ADGRL3: variants seen among roughly 807,000 people sequenced by gnomAD.
ADGRL3 encodes calcium-independent alpha-latrotoxin receptor 3.
A neutral mutation model predicts 153.5 loss-of-function variants in ADGRL3; 62 were observed. That is an observed-to-expected ratio of 0.40 (90% CI 0.33 to 0.50). The LOEUF (loss-of-function observed/expected upper bound fraction) is 0.50, where lower values mean the gene tolerates loss of function less well. Among genes scored for constraint, ADGRL3 ranks in the 20% least tolerant of loss-of-function variants. The pLI, the probability that ADGRL3 is intolerant of heterozygous loss-of-function variation, is 0.47. For synonymous variants in ADGRL3, 710 were observed against 672.5 expected (o/e 1.06, Z -0.86); for missense variants, 1,641 against 1,859.4 (o/e 0.88, Z 2.16).
chr4:61,829,681 G>T (rs965756525), intron 9 of ADGRL3, among the ~76,000 whole-genome samples: 5 of 152,086 alleles, frequency 3.3e-5, no homozygotes, highest in African/African-American at 1.2e-4. Context: ...TTCATGTTAT[G>T]TGTTTTTTAC....
At chr4:61,739,664 A>G (rs1175954109) in intron 8 of ADGRL3, among the ~76,000 whole-genome samples, 1 of 152,210 alleles carries the variant, frequency 6.6e-6, no homozygotes, top group African/African-American at 2.4e-5. Flanking sequence ...CTCCTCAGGT[A>G]GTCATCTTCA....
chr4:61,830,527 A>G (rs1027080894), intron 9 of ADGRL3, among the ~76,000 whole-genome samples: 23 of 152,282 alleles, frequency 1.5e-4, no homozygotes, highest in African/African-American at 5.1e-4. Flanking sequence ...TAGACTCTCA[A>G]TTGAAGTTAC....
rs542294812 is a variant in ADGRL3, at chr4:61,974,253, G to A, written c.2806-5310G>A. Among the ~76,000 whole-genome samples the A allele has an allele frequency of 2.5e-3, 388 of 152,254 alleles. 2 individuals are homozygous for A. The highest frequency in any genetic ancestry group is 4.3e-3 in the Admixed American group (65 of 15,282). Reference sequence around the variant, plus strand: ...CAAAGCGCTGGGATTATAGGAATGAGCCACCATTCCTGGCCACTATAGGCA... The same window carrying A: ...CAAAGCGCTGGGATTATAGGAATGAACCACCATTCCTGGCCACTATAGGCA... On this transcript the variant is annotated intron_variant, in intron 17 of 26. Transcript: ENST00000683033.
intron 1 of ADGRL3, among the ~76,000 whole-genome samples, chr4:61,216,689 A>G (rs924406234): frequency 6.6e-6 from 1 of 152,202 alleles, no homozygotes; most frequent in African/African-American, 2.4e-5. Context: ...TATATGCATG[A>G]ATGAAAATCA....
intron 3 of ADGRL3, among the ~76,000 whole-genome samples, chr4:61,504,271 G>A (rs747425339): frequency 1.3e-5 from 2 of 152,216 alleles, no homozygotes; most frequent in Admixed American, 6.5e-5. Flanking sequence ...CTGGGATTAC[G>A]GGTGTGAAGC....
intron 1 of ADGRL3, among the ~76,000 whole-genome samples, chr4:61,358,949 T>G (rs1159832623): frequency 2.6e-5 from 4 of 152,168 alleles, no homozygotes; most frequent in African/African-American, 9.7e-5. Context: ...GATAGGCCCA[T>G]CCAACTAATA....
chr4:61,606,175 C>G (rs1052682421), intron 5 of ADGRL3, among the ~76,000 whole-genome samples: 3 of 151,900 alleles, frequency 2.0e-5, no homozygotes, highest in African/African-American at 7.3e-5. Flanking sequence ...TTACCATGGG[C>G]TAAAGGGGAA....
intron 6 of ADGRL3, among the ~76,000 whole-genome samples, chr4:61,688,380 T>C (rs1468064958): frequency 6.6e-6 from 1 of 152,000 alleles, no homozygotes; most frequent in African/African-American, 2.4e-5. Context: ...GGAATCAGAG[T>C]TGAATTTGTG....
chr4:61,539,835 C>T lies in ADGRL3; in HGVS notation c.259+22317C>T, dbSNP rs149353030. ...CCCCACCTACCCTTCCCACAGGGCTCCAAGTCCCTCAGGGGACTGTCTCTG... is the reference window on the plus strand; with the variant it reads ...CCCCACCTACCCTTCCCACAGGGCTTCAAGTCCCTCAGGGGACTGTCTCTG... On this transcript the variant is annotated intron_variant, in intron 4 of 26. Transcript: ENST00000683033. 2.6e-3 allele frequency among the ~76,000 whole-genome samples: 391 copies of T among 152,234 alleles called. 3 individuals carry two copies. Among genetic ancestry groups the T allele is most frequent in the African/African-American group, 9.2e-3 (382 of 41,538 alleles).
intron 1 of ADGRL3, among the ~76,000 whole-genome samples, chr4:61,216,588 A>G (rs1742906453): frequency 6.6e-6 from 1 of 152,156 alleles, no homozygotes; most frequent in Non-Finnish European, 1.5e-5. Flanking sequence ...GTTCAACATT[A>G]AATTGTATTT....
At chr4:61,634,235 C>T (rs757861482) in intron 5 of ADGRL3, among the ~76,000 whole-genome samples, 4 of 151,980 alleles carry the variant, frequency 2.6e-5, no homozygotes, top group Admixed American at 6.6e-5. Flanking sequence ...TTATAGCAGT[C>T]GTCAGCATAT....
intron 3 of ADGRL3, among the ~76,000 whole-genome samples, chr4:61,501,836 G>A (rs1299032581): frequency 6.6e-6 from 1 of 152,018 alleles, no homozygotes; most frequent in African/African-American, 2.4e-5. Flanking sequence ...ACATAAATAT[G>A]TACAATTTTT....
At chr4:61,310,736 T>G (rs2094967407) in intron 1 of ADGRL3, among the ~76,000 whole-genome samples, 2 of 151,790 alleles carry the variant, frequency 1.3e-5, no homozygotes, top group Admixed American at 6.6e-5. Context: ...AGATCAGTTT[T>G]TTTTTTTTTT....
chr4:61,304,246 G>C (rs918475819), intron 1 of ADGRL3, among the ~76,000 whole-genome samples: 2 of 152,130 alleles, frequency 1.3e-5, no homozygotes, highest in Admixed American at 6.5e-5. Context: ...TTCTCATTTT[G>C]TAGTGAAATG....
At chr4:61,745,026 T>A (rs927847930) in intron 8 of ADGRL3, among the ~76,000 whole-genome samples, 1 of 152,118 alleles carries the variant, frequency 6.6e-6, no homozygotes, top group South Asian at 2.1e-4. Context: ...TTAAAGGAGC[T>A]GATGGAGCTG....
intron 5 of ADGRL3, among the ~76,000 whole-genome samples, chr4:61,622,527 A>C (rs2092586012): frequency 6.6e-6 from 1 of 152,098 alleles, no homozygotes; most frequent in South Asian, 2.1e-4. Flanking sequence ...ATAATAATTA[A>C]AGTAAAAATC....
chr4:61,571,375 T>C (rs1343091786), intron 4 of ADGRL3, among the ~76,000 whole-genome samples: 2 of 151,768 alleles, frequency 1.3e-5, no homozygotes, highest in Non-Finnish European at 2.9e-5. Flanking sequence ...TAGCTTGGTA[T>C]GGTGACACCC....
intron 5 of ADGRL3, among the ~76,000 whole-genome samples, chr4:61,664,165 A>G (rs2094703634): frequency 6.6e-6 from 1 of 152,228 alleles, no homozygotes; most frequent in Non-Finnish European, 1.5e-5. Context: ...GGGGGCAAAG[A>G]GATATGTAGT....
chr4:61,644,746 A>C (rs2093878931), intron 5 of ADGRL3, among the ~76,000 whole-genome samples: 2 of 152,154 alleles, frequency 1.3e-5, no homozygotes, highest in South Asian at 4.1e-4. Flanking sequence ...TTGGTGCTGA[A>C]AAAATGTATA....
Sources: allele counts gnomAD v4.1 joint callset (sites outside exome capture counted in the v4.1 genomes callset), GRCh38; gene constraint gnomAD v4.1.1; transcripts MANE v1.5; gene names NCBI Gene and HGNC (gene_info 2026-07-23, HGNC 2026-07-21).